Variants in HIGD1C observed in about 807,000 individuals in gnomAD.
The protein encoded by HIGD1C is HIG1 hypoxia inducible domain family member 1C, also known as HIG1 domain family member 1C.
HIGD1C carries 11 observed loss-of-function variants against 13.1 expected under a neutral mutation model. That is an observed-to-expected ratio of 0.84 (90% confidence interval 0.53 to 1.39). The LOEUF (loss-of-function observed/expected upper bound fraction) is 1.39, where lower values mean the gene tolerates loss of function less well. HIGD1C is among the 40% of genes most tolerant of loss of function. The pLI, the probability that HIGD1C is intolerant of heterozygous loss-of-function variation, is 0.00. For synonymous variants in HIGD1C, 36 were observed against 37.7 expected (o/e 0.95, Z 0.17); for missense variants, 110 against 112.0 (o/e 0.98, Z 0.08).
At chr12:50,951,313 TTGGGCATGG>T (rs1366375245), upstream of HIGD1C, among the ~76,000 whole-genome samples, 8 of 152,040 alleles carry the variant, frequency 5.3e-5, no homozygotes, top group Non-Finnish European at 7.4e-5. Flanking sequence ...TATTTAGAAA[TTGGGCATGG>T]TGGGAATATT....
intron 1 of HIGD1C, 183 bp downstream of exon 3, chr12:50,954,275 G>T (rs1041087957): frequency 8.7e-6 from 4 of 460,366 alleles, no homozygotes; most frequent in East Asian, 3.3e-5. Context: ...CCCAGTAAAT[G>T]TTAGCTGTTA....
At chr12:50,953,246 G>A (rs4768869), upstream of HIGD1C, among the ~76,000 whole-genome samples, 19,676 of 152,208 alleles carry the variant, frequency 0.13, 1,748 homozygotes, top group East Asian at 0.42. Context: ...AGCAGGTGGC[G>A]GGGTGTGCCA....
At chr12:50,968,739 G>A (rs4444142) in intron 2 of HIGD1C, among the ~76,000 whole-genome samples, 22,322 of 151,560 alleles carry the variant, frequency 0.15, 1,862 homozygotes, top group South Asian at 0.27. Flanking sequence ...ATGGGGTTTC[G>A]CCATGTTGGT....
downstream of HIGD1C, among the ~76,000 whole-genome samples, chr12:50,972,443 C>T (rs1331391844): frequency 6.6e-6 from 1 of 152,212 alleles, no homozygotes. Flanking sequence ...AGAACAGGAG[C>T]ACTTAGAAGG....
chr12:50,954,278 A>G (rs1470794829), intron 1 of HIGD1C, 186 bp downstream of exon 3: 22 of 462,840 alleles, frequency 4.8e-5, no homozygotes, highest in Non-Finnish European at 8.4e-5. Flanking sequence ...AGTAAATGTT[A>G]GCTGTTATTT....
chr12:50,940,896 G>A, the HIGD1C span, among the ~76,000 whole-genome samples: 2 of 151,558 alleles, frequency 1.3e-5, no homozygotes, highest in East Asian at 2.0e-4. Context: ...CCAGACTGGA[G>A]TGCAGTGATA....
At chr12:50,939,762 G>A in the HIGD1C span, among the ~76,000 whole-genome samples, 2,461 of 152,300 alleles carry the variant, frequency 0.016, 64 homozygotes, top group African/African-American at 0.056. Flanking sequence ...AAAACTGCCA[G>A]TGTTGAGCAC....
the HIGD1C span, chr12:50,932,193 G>A: frequency 4.6e-5 from 7 of 152,138 alleles, no homozygotes; most frequent in East Asian, 1.2e-3. Flanking sequence ...TGAATAATTA[G>A]GTATCCTAGG....
At chr12:50,963,384 A>G (rs1337216348) in intron 2 of HIGD1C, among the ~76,000 whole-genome samples, 20 of 151,172 alleles carry the variant, frequency 1.3e-4, no homozygotes, top group South Asian at 6.3e-4. Flanking sequence ...AAAAAAAAAA[A>G]AAAAAAAAAG....
Position 50,966,856 on chromosome 12 carries a change from G to A in HIGD1C, c.230-3586G>A, listed in dbSNP as rs545657132. On this transcript the variant is annotated intron_variant, in intron 2 of 2. Coordinates refer to ENST00000398455, the Ensembl canonical transcript of HIGD1C. ...TTGGGGATTGAATTTGTATTGTGAT[G>A]AGCCACTCACAGGATTCGGGAGGCC... Among the ~76,000 whole-genome samples, 11 of 152,230 alleles carry A rather than the reference G, an allele frequency of 7.2e-5. No individual in the cohort carries two copies. The East Asian group carries it at 2.1e-3, about 29-fold the overall frequency.
At chr12:50,944,942 C>A in the HIGD1C span, among the ~76,000 whole-genome samples, 1 of 152,118 alleles carries the variant, frequency 6.6e-6, no homozygotes, top group Non-Finnish European at 1.5e-5. Context: ...ATACACAAAT[C>A]AATCAATGTA....
At chr12:50,950,100 C>G (rs996695941), upstream of HIGD1C, among the ~76,000 whole-genome samples, 4 of 152,136 alleles carry the variant, frequency 2.6e-5, no homozygotes, top group Non-Finnish European at 4.4e-5. Context: ...TTAAGGACAC[C>G]TCACGGGTGA....
intron 2 of HIGD1C, among the ~76,000 whole-genome samples, chr12:50,963,450 C>G (rs1169797403): frequency 1.3e-5 from 2 of 150,914 alleles, no homozygotes; most frequent in Non-Finnish European, 2.9e-5. Flanking sequence ...CAAAGATGAG[C>G]TAGAACAATA....
At chr12:50,942,631 C>A in the HIGD1C span, among the ~76,000 whole-genome samples, 1 of 152,070 alleles carries the variant, frequency 6.6e-6, no homozygotes, top group African/African-American at 2.4e-5. Flanking sequence ...CTTTGGGAGG[C>A]CAAGGCAGGA....
At chr12:50,970,006 G>A (rs773617032) in intron 2 of HIGD1C, among the ~76,000 whole-genome samples, 12 of 151,880 alleles carry the variant, frequency 7.9e-5, no homozygotes, top group Non-Finnish European at 1.5e-4. Flanking sequence ...CATATCATCC[G>A]CCTAAACTCA....
At position 50,953,984 on chromosome 12, in the gene HIGD1C, T is replaced by C. The variant is rs1377856771; in HGVS notation, c.-15T>C. 2.0e-6 allele frequency: 3 copies of C among 1,513,660 alleles called. No individual in the cohort carries two copies. The highest frequency in any genetic ancestry group is 3.4e-5 in the Admixed American group (2 of 59,434). 93.8% of individuals were successfully genotyped at this position (1,513,660 alleles called of 1,614,324 possible). ...CGGCAACCACATTTATATCCTATTG[T>C]TACTAGAGAAAAAAATGTCTTCAGA... On this transcript the variant is annotated 5_prime_UTR_variant, in exon 1 of 3. Transcript: ENST00000398455.
intron 1 of HIGD1C, among the ~76,000 whole-genome samples, chr12:50,959,116 C>A (rs2139800776): frequency 6.6e-6 from 1 of 152,154 alleles, no homozygotes; most frequent in African/African-American, 2.4e-5. Flanking sequence ...TCTACCATAT[C>A]CTCTTTTTTA....
At chr12:50,946,360 CA>C in the HIGD1C span, among the ~76,000 whole-genome samples, 1 of 152,192 alleles carries the variant, frequency 6.6e-6, no homozygotes, top group African/African-American at 2.4e-5. Context: ...CCAGAATCTA[CA>C]AAGAACTTAA....
the HIGD1C span, chr12:50,931,705 C>T: frequency 1.5e-5 from 2 of 137,342 alleles, no homozygotes; most frequent in Non-Finnish European, 3.1e-5. Flanking sequence ...GAGCAAGACT[C>T]CGTCTCAAAA....
Sources: gnomAD v4.1 joint callset for allele counts (sites outside exome capture counted in the v4.1 genomes callset) on GRCh38, gnomAD v4.1.1 for gene constraint, MANE v1.5 for transcripts, NCBI Gene and HGNC (gene_info 2026-07-23, HGNC 2026-07-21) for gene names.